The following PTPRG variants were observed in gnomAD, a reference collection of about 807,000 sequenced individuals.
The protein encoded by PTPRG is protein tyrosine phosphatase receptor type G, also known as receptor-type tyrosine-protein phosphatase gamma.
PTPRG carries 102 observed loss-of-function variants against 165.3 expected under a neutral mutation model. That is an observed-to-expected ratio of 0.62 (90% CI 0.53 to 0.73). The LOEUF is 0.73. Ranked by LOEUF, PTPRG falls within the 30% of genes least tolerant of loss-of-function variation. PTPRG has a pLI of 0.00. For missense variants in PTPRG, 1,866 were observed against 1,861.4 expected (o/e 1.00, Z -0.05); for synonymous variants, 675 against 669.5 (o/e 1.01, Z -0.13).
At chr3:61,995,068 T>C (rs1021087376) in intron 3 of PTPRG, among the ~76,000 whole-genome samples, 32 of 117,214 alleles carry the variant, frequency 2.7e-4, no homozygotes, top group African/African-American at 9.8e-4. Context: ...TTTTTTCTTT[T>C]TTCTTTTCTT....
At chr3:62,005,978 C>T (rs991835549) in intron 4 of PTPRG, among the ~76,000 whole-genome samples, 1 of 152,162 alleles carries the variant, frequency 6.6e-6, no homozygotes, top group East Asian at 1.9e-4. Flanking sequence ...GTTGGGATTA[C>T]AGGCGTGAGC....
At chr3:61,747,599 T>C (rs1465736389) in intron 1 of PTPRG, among the ~76,000 whole-genome samples, 1 of 151,980 alleles carries the variant, frequency 6.6e-6, no homozygotes, top group Non-Finnish European at 1.5e-5. Context: ...CTAGTCTTTT[T>C]AATTGAAGTG....
intron 2 of PTPRG, among the ~76,000 whole-genome samples, chr3:61,951,984 G>T (rs955479413): frequency 3.9e-5 from 6 of 151,966 alleles, no homozygotes; most frequent in Non-Finnish European, 7.4e-5. Context: ...TGGGTGTGGT[G>T]GTGCGTGCCT....
chr3:62,251,969 T>A (rs910395614), intron 15 of PTPRG, among the ~76,000 whole-genome samples: 6 of 152,340 alleles, frequency 3.9e-5, no homozygotes, highest in African/African-American at 1.2e-4. Context: ...CAGTAAGGGC[T>A]TAATAAATGG....
chr3:62,002,948 GAC>G (rs1204305109), intron 3 of PTPRG, among the ~76,000 whole-genome samples: 7 of 152,120 alleles, frequency 4.6e-5, no homozygotes, highest in African/African-American at 1.7e-4. Flanking sequence ...TCTTGTTCCA[GAC>G]CTTGAATCTT....
At position 62,255,050 on chromosome 3, in the gene PTPRG, G is replaced by A. The variant is rs1015894787; in HGVS notation, c.2468-74G>A. 24 of 1,263,456 alleles carry A rather than the reference G, an allele frequency of 1.9e-5. No homozygotes were observed. The African/African-American group carries it at 3.2e-4, about 17-fold the overall frequency. The allele number at this position is 1,263,456 out of a possible 1,614,324, so 78.3% of individuals were successfully genotyped here. A position where few individuals can be genotyped will look rare whatever the true frequency, so the allele number is the denominator to read the frequency against. On this transcript the variant is annotated intron_variant, in intron 15 of 29. Transcript: ENST00000474889. The surrounding 1 kb of genome is among the most constrained non-coding windows in gnomAD (Gnocchi z 4.0). ...AAAATCAAGTATTTGTCTTAAGGAT[G>A]CTTTGCTTTATCAGTGTAATTTGTT...
chr3:61,800,650 A>G (rs943587629), intron 2 of PTPRG, among the ~76,000 whole-genome samples: 1 of 147,952 alleles, frequency 6.8e-6, no homozygotes, highest in Non-Finnish European at 1.5e-5. Flanking sequence ...AGAACTGTGC[A>G]CGGTACTCTG....
chr3:61,661,618 A>G (rs773974850), intron 1 of PTPRG, among the ~76,000 whole-genome samples: 14 of 152,356 alleles, frequency 9.2e-5, no homozygotes, highest in Middle Eastern at 3.4e-3. Context: ...TCATTTTTGT[A>G]TATAAATTCT....
At chr3:61,820,235 C>G (rs1313885988) in intron 2 of PTPRG, among the ~76,000 whole-genome samples, 1 of 152,140 alleles carries the variant, frequency 6.6e-6, no homozygotes, top group African/African-American at 2.4e-5. Flanking sequence ...CCAGGAGAGC[C>G]AATGGTGTAA....
intron 5 of PTPRG, among the ~76,000 whole-genome samples, chr3:62,097,120 C>A (rs1343821785): frequency 6.6e-6 from 1 of 152,200 alleles, no homozygotes; most frequent in Non-Finnish European, 1.5e-5. Context: ...AAGCAAAGGG[C>A]AAACTCAGAG....
chr3:61,863,791 G>T (rs1209879397), intron 2 of PTPRG, among the ~76,000 whole-genome samples: 1 of 152,162 alleles, frequency 6.6e-6, no homozygotes, highest in East Asian at 1.9e-4. Flanking sequence ...CTGGTCAAAG[G>T]TAAGGCCACC....
chr3:61,714,993 G>A (rs1336114115), intron 1 of PTPRG, among the ~76,000 whole-genome samples: 1 of 152,128 alleles, frequency 6.6e-6, no homozygotes, highest in Admixed American at 6.6e-5. Context: ...CAGTTGAAGT[G>A]TTTTGGAAGT....
intron 1 of PTPRG, among the ~76,000 whole-genome samples, chr3:61,611,793 C>T (rs1042975283): frequency 1.3e-5 from 2 of 152,200 alleles, no homozygotes; most frequent in African/African-American, 4.8e-5. Flanking sequence ...TATTTATAGA[C>T]TCTGAAGTTG....
chr3:61,974,735 A>G (rs919365894), intron 2 of PTPRG, among the ~76,000 whole-genome samples: 1 of 152,184 alleles, frequency 6.6e-6, no homozygotes, highest in East Asian at 1.9e-4. Context: ...TTGTTAATAC[A>G]TTTATAATGA....
At chr3:61,633,629 C>G (rs1575552281) in intron 1 of PTPRG, among the ~76,000 whole-genome samples, 1 of 152,186 alleles carries the variant, frequency 6.6e-6, no homozygotes, top group South Asian at 2.1e-4. Context: ...ATGTCATTTG[C>G]AAATAGAAAT....
chr3:61,731,782 A>G (rs2032511614), intron 1 of PTPRG, among the ~76,000 whole-genome samples: 1 of 151,748 alleles, frequency 6.6e-6, no homozygotes, highest in Admixed American at 6.6e-5. Flanking sequence ...ATGGAACGTG[A>G]ACTGCATAGG....
intron 4 of PTPRG, among the ~76,000 whole-genome samples, chr3:62,020,611 T>A (rs1045252246): frequency 6.6e-6 from 1 of 152,172 alleles, no homozygotes; most frequent in African/African-American, 2.4e-5. Context: ...AGTCTTTTCA[T>A]TGTCAGTAAG....
intron 1 of PTPRG, among the ~76,000 whole-genome samples, chr3:61,739,799 A>G (rs1295269718): frequency 2.6e-5 from 4 of 152,242 alleles, no homozygotes; most frequent in African/African-American, 9.6e-5. Flanking sequence ...AGAAATACAA[A>G]TGAACAAGTG....
Position 61,978,364 on chromosome 3 carries a change from C to T in PTPRG, c.191-11261C>T, listed in dbSNP as rs78607872. On this transcript the variant is annotated intron_variant, in intron 2 of 29. Coordinates refer to ENST00000474889, the MANE Select transcript of PTPRG (RefSeq NM_002841.4). ...TTAATATGTGGAAATGCTTTCCCTA[C>T]TCTAATTCTTCCCACAACTGCTTCT... is the stretch of plus-strand genomic sequence containing the variant. Among the ~76,000 whole-genome samples the T allele has an allele frequency of 7.4e-3, 1,126 of 152,308 alleles. 21 individuals carry two copies. The highest frequency in any genetic ancestry group is 0.026 in the African/African-American group (1,078 of 41,564).
Sources: allele counts gnomAD v4.1 joint callset (sites outside exome capture counted in the v4.1 genomes callset), GRCh38; gene constraint gnomAD v4.1.1; non-coding constraint Gnocchi (gnomAD v3.1); transcripts MANE v1.5; gene names NCBI Gene and HGNC (gene_info 2026-07-23, HGNC 2026-07-21).